The following INTS6 variants were observed in gnomAD, a reference collection of about 807,000 sequenced individuals.
INTS6 encodes integrator complex subunit 6, also known as DEAD box protein.
INTS6 carries 16 observed loss-of-function variants against 104.9 expected under a neutral mutation model. That is an observed-to-expected ratio of 0.15 (90% CI 0.10 to 0.23). INTS6 has a LOEUF of 0.23. Ranked by LOEUF, INTS6 falls within the 10% of genes least tolerant of loss-of-function variation. INTS6 has a pLI of 1.00. For missense variants in INTS6, 584 were observed against 1,062.8 expected, an observed-to-expected ratio of 0.55 and a Z score of 6.26; for synonymous variants, 324 against 358.7, an observed-to-expected ratio of 0.90 and a Z score of 1.09.
intron 4 of INTS6, among the ~76,000 whole-genome samples, chr13:51,428,615 C>T (rs146426637): frequency 0.015 from 2,270 of 152,172 alleles, 29 homozygotes; most frequent in South Asian, 0.039. Flanking sequence ...TGAACCACCA[C>T]GCCCGGCTAA....
At chr13:51,418,339 C>T (rs1447087680) in intron 4 of INTS6, among the ~76,000 whole-genome samples, 1 of 151,532 alleles carries the variant, frequency 6.6e-6, no homozygotes, top group African/African-American at 2.4e-5. Flanking sequence ...TAAAAGCATC[C>T]TATATCAGCT....
intron 15 of INTS6, among the ~76,000 whole-genome samples, chr13:51,373,932 T>C (rs1955863644): frequency 6.6e-6 from 1 of 152,244 alleles, no homozygotes; most frequent in Admixed American, 6.5e-5. Context: ...TTTCTGTGGA[T>C]AGTGATAATG....
chr13:51,354,079 T>G (rs1168064762), exon 4 of INTS6: 1 of 152,184 alleles, frequency 6.6e-6, no homozygotes, highest in South Asian at 2.1e-4. Context: ...ACAGCAAATA[T>G]GAAAATATAT....
intron 3 of INTS6, chr13:51,436,914 C>T (rs1952701336): frequency 6.6e-6 from 1 of 152,098 alleles, no homozygotes; most frequent in Non-Finnish European, 1.5e-5. Flanking sequence ...AGAAATATAA[C>T]TTTACTTAAT....
Position 51,374,022 on chromosome 13 carries a change from A to G in INTS6, c.2104+186T>C, listed in dbSNP as rs189887779. ...AGCTAATAAAGCATCATAAATAAGA[A>G]ATGTTCAAATGTTCATTAAAAAGAC... On this transcript the variant is annotated intron_variant, in intron 15 of 17. Coordinates refer to ENST00000311234, the MANE Select transcript of INTS6 (RefSeq NM_012141.3). 2.3e-3 allele frequency among the ~76,000 whole-genome samples: 344 copies of G among 152,342 alleles called. 2 individuals are homozygous for G. The highest frequency in any genetic ancestry group is 1.7e-3 in the Non-Finnish European group (116 of 68,034).
chr13:51,383,679 A>G lies in INTS6; in HGVS notation c.957T>C (p.Ile319=). Residue 319 remains isoleucine (I), a synonymous_variant, in exon 8 of 18, where the codon ATT becomes ATC. Transcript: ENST00000311234. The part of the protein sequence containing the change: ...FSCTDCEPMV[I]DKLPFDKYEL... ...CATATTTGTCAAAAGGAAGTTTATC[A>G]ATAACCATTGGTTCACAGTCTGTAC... 1 of 1,613,974 alleles carries G rather than the reference A, an allele frequency of 6.2e-7. No homozygotes were observed. The highest frequency in any genetic ancestry group is 8.5e-7 in the Non-Finnish European group (1 of 1,179,884).
At chr13:51,425,831 A>T (rs1254294069) in intron 4 of INTS6, among the ~76,000 whole-genome samples, 1 of 152,222 alleles carries the variant, frequency 6.6e-6, no homozygotes, top group East Asian at 1.9e-4. Flanking sequence ...ATCTGGACAC[A>T]GGTATGTTTA....
At chr13:51,335,407 T>C in the INTS6 span, among the ~76,000 whole-genome samples, 5 of 152,126 alleles carry the variant, frequency 3.3e-5, no homozygotes, top group African/African-American at 7.2e-5. Context: ...CTCAAAATCA[T>C]TGGTAACCCA....
At position 51,451,159 on chromosome 13, in the gene INTS6, T is replaced by C; in HGVS notation, c.205A>G (p.Asn69Asp). The change falls in exon 3 of 18, where the codon AAC becomes GAC. Residue 69 changes from asparagine (N) to aspartate (D), a missense_variant. Transcript: ENST00000311234. The stretch of plus-strand genomic sequence containing the variant: ...AATTCATTCATAAACGTTGCATGGT[T>C]TTCTTTCCATCCAGCCTGAAAAGAA... Reference protein sequence around the residue: ...PYAIKAGWKENHATFMNELKN... With the variant: ...PYAIKAGWKEDHATFMNELKN... 1.3e-6 allele frequency: 2 copies of C among 1,564,476 alleles called. No individual in the cohort carries two copies. Among genetic ancestry groups the C allele is most frequent in the South Asian group, 1.3e-5 (1 of 79,886 alleles).
At chr13:51,410,983 A>G (rs1373123244) in intron 4 of INTS6, among the ~76,000 whole-genome samples, 6 of 151,926 alleles carry the variant, frequency 3.9e-5, no homozygotes, top group African/African-American at 1.4e-4. Flanking sequence ...AGGCAGAGGC[A>G]GGTGGATCAC....
intron 4 of INTS6, among the ~76,000 whole-genome samples, chr13:51,424,567 G>A (rs1956953906): frequency 6.6e-6 from 1 of 151,854 alleles, no homozygotes; most frequent in African/African-American, 2.4e-5. Context: ...AGAGAACAGG[G>A]CCAAAAATAT....
chr13:51,384,988 G>A (rs867676648), intron 7 of INTS6: 29 of 203,986 alleles, frequency 1.4e-4, no homozygotes, highest in Middle Eastern at 2.2e-3. Context: ...AAAACTGTTC[G>A]GTAAAAGTAA....
At chr13:51,380,538 C>T (rs990802383) in intron 10 of INTS6, among the ~76,000 whole-genome samples, 2 of 152,096 alleles carry the variant, frequency 1.3e-5, no homozygotes, top group Admixed American at 6.5e-5. Flanking sequence ...TTTTGTCCTT[C>T]TACTTGCCAG....
At chr13:51,355,918 T>G (rs1158260424) in intron 3 of INTS6, among the ~76,000 whole-genome samples, 1 of 152,174 alleles carries the variant, frequency 6.6e-6, no homozygotes, top group Non-Finnish European at 1.5e-5. Flanking sequence ...GGCCTTGACA[T>G]TTCCCTTACC....
downstream of INTS6, among the ~76,000 whole-genome samples, chr13:51,359,729 T>A (rs116071990): frequency 3.4e-3 from 517 of 152,260 alleles, 3 homozygotes; most frequent in African/African-American, 0.012. Flanking sequence ...TATATAGTCA[T>A]GAAGTCTCGG....
rs747366464 is a variant in INTS6, at chr13:51,367,915, CAAAAAG to C, written c.2477-23_2477-18del. 28 of 1,443,816 alleles carry C rather than the reference CAAAAAG, an allele frequency of 1.9e-5. No homozygotes were observed. In the South Asian group the frequency reaches 3.1e-4, roughly 16 times the overall value. 89.4% of individuals were successfully genotyped at this position (1,443,816 alleles called of 1,614,324 possible). A position where few individuals can be genotyped will look rare whatever the true frequency, so the allele number is the denominator to read the frequency against. ...TTTCATATTCTTAAAGCAAAAGAAA[CAAAAAG>C]AAAAATTAAGTGCCTTTCATTTGTA... On this transcript the variant is annotated intron_variant, in intron 16 of 17. Coordinates refer to ENST00000311234, the MANE Select transcript of INTS6 (RefSeq NM_012141.3).
At chr13:51,450,260 A>C (rs1269386254) in intron 3 of INTS6, 2 of 984,604 alleles carry the variant, frequency 2.0e-6, no homozygotes, top group Non-Finnish European at 2.4e-6. Flanking sequence ...CAGGGCAATA[A>C]TATCATAAAA....
rs766647237 is a variant in INTS6, at chr13:51,374,651, T to C, written c.1872+3A>G. The C allele has an allele frequency of 1.2e-5, 19 of 1,612,422 alleles. No individual in the cohort carries two copies. The highest frequency in any genetic ancestry group is 2.7e-5 in the African/African-American group (2 of 74,880). On this transcript the variant is annotated splice_donor_region_variant and intron_variant, in intron 14 of 17. Coordinates refer to ENST00000311234, the MANE Select transcript of INTS6 (RefSeq NM_012141.3). ...ATTACATAATAGAACATTTCAAAATTACCTTCTTATCCAGCTTAAAGGGGT... is the reference window on the plus strand; with the variant it reads ...ATTACATAATAGAACATTTCAAAATCACCTTCTTATCCAGCTTAAAGGGGT...
chr13:51,361,530 A>G (rs1298175803), downstream of INTS6: 5 of 599,466 alleles, frequency 8.3e-6, no homozygotes, highest in Non-Finnish European at 1.5e-5. Flanking sequence ...TTTTTGAAAA[A>G]TGACGGGGAA....
Sources: gnomAD v4.1 joint callset for allele counts (sites outside exome capture counted in the v4.1 genomes callset) on GRCh38, gnomAD v4.1.1 for gene constraint, MANE v1.5 for transcripts, NCBI Gene and HGNC (gene_info 2026-07-23, HGNC 2026-07-21) for gene names.